The following AATF variants were observed in gnomAD, a reference collection of about 807,000 sequenced individuals.
AATF encodes the protein protein AATF.
A neutral mutation model predicts 63.7 loss-of-function variants in AATF; 48 were observed. The ratio of observed to expected loss-of-function variants is 0.75; its 90% CI spans 0.60 to 0.96. The LOEUF (loss-of-function observed/expected upper bound fraction) is 0.96. Ranked by LOEUF, AATF falls within the 40% of genes least tolerant of loss-of-function variation. The pLI is 0.00. For missense variants in AATF, 639 were observed against 685.7 expected (o/e 0.93, Z 0.76); for synonymous variants, 258 against 247.7 (o/e 1.04, Z -0.39).
chr17:37,028,012 T>C (rs1177827347), intron 10 of AATF, among the ~76,000 whole-genome samples: 1 of 152,188 alleles, frequency 6.6e-6, no homozygotes, highest in Non-Finnish European at 1.5e-5. Context: ...AATAAAAAGG[T>C]TATATAAATA....
intron 4 of AATF, among the ~76,000 whole-genome samples, chr17:36,966,316 G>A (rs1043951194): frequency 6.6e-6 from 1 of 151,960 alleles, no homozygotes; most frequent in African/African-American, 2.4e-5. Flanking sequence ...CCAGGCTGGA[G>A]TGTAGTGATG....
At position 37,014,292 on chromosome 17, in the gene AATF, T is replaced by TAATAATAATAA. The variant is rs547730359; in HGVS notation, c.1399-4712_1399-4702dup. 3.6e-3 allele frequency among the ~76,000 whole-genome samples: 542 copies of TAATAATAATAA among 150,542 alleles called. 9 individuals carry two copies. Among genetic ancestry groups the TAATAATAATAA allele is most frequent in the Admixed American group, 0.029 (439 of 15,066 alleles). The stretch of plus-strand genomic sequence containing the variant: ...GTAATAATAATAATAATAATAATAA[T>TAATAATAATAA]AATAATAATAAGGCTGTATATGGAA... On this transcript the variant is annotated intron_variant, in intron 8 of 11. Coordinates refer to ENST00000619387, the MANE Select transcript of AATF (RefSeq NM_012138.4).
At chr17:36,997,873 A>G (rs1049103225) in intron 8 of AATF, among the ~76,000 whole-genome samples, 1 of 152,240 alleles carries the variant, frequency 6.6e-6, no homozygotes, top group African/African-American at 2.4e-5. Context: ...GTATATCTAT[A>G]TGATGGAATA....
At chr17:36,992,419 T>C (rs2071222538) in intron 8 of AATF, among the ~76,000 whole-genome samples, 1 of 152,204 alleles carries the variant, frequency 6.6e-6, no homozygotes, top group African/African-American at 2.4e-5. Context: ...CTAGAGTGTC[T>C]AAGGAAGTAC....
intron 4 of AATF, among the ~76,000 whole-genome samples, chr17:36,967,861 CTT>C (rs372660652): frequency 0.019 from 2,376 of 123,242 alleles, 42 homozygotes; most frequent in African/African-American, 0.065. Context: ...CAGACCTTGC[CTT>C]TTTTTTTTTT....
At chr17:36,969,810 T>C (rs1286468249) in intron 4 of AATF, among the ~76,000 whole-genome samples, 2 of 152,236 alleles carry the variant, frequency 1.3e-5, no homozygotes, top group Admixed American at 6.5e-5. Context: ...CTTTCCCTCC[T>C]GGCCTTCCCT....
intron 4 of AATF, among the ~76,000 whole-genome samples, chr17:36,959,272 C>T (rs1000077055): frequency 1.3e-5 from 2 of 152,150 alleles, no homozygotes; most frequent in Admixed American, 6.5e-5. Context: ...AATGAAACAC[C>T]GTCTCTACAA....
intron 11 of AATF, among the ~76,000 whole-genome samples, chr17:37,034,224 T>C (rs1211115130): frequency 2.0e-5 from 3 of 152,250 alleles, no homozygotes; most frequent in Non-Finnish European, 4.4e-5. Flanking sequence ...GCTCAAGCTT[T>C]ATGGTTTGAA....
intron 8 of AATF, among the ~76,000 whole-genome samples, chr17:37,010,318 C>A (rs1033502242): frequency 1.3e-5 from 2 of 152,140 alleles, no homozygotes; most frequent in Non-Finnish European, 2.9e-5. Context: ...ATTAGCCGGG[C>A]GTGGTGGTGG....
intron 6 of AATF, 58 bp from the exon 7 acceptor site, chr17:36,989,189 T>C: frequency 1.3e-6 from 2 of 1,534,398 alleles, no homozygotes; most frequent in Admixed American, 1.9e-5. Context: ...GAAACCAATG[T>C]AGCTTGCCTT....
chr17:37,010,869 G>A (rs1472057404), intron 8 of AATF, among the ~76,000 whole-genome samples: 2 of 152,228 alleles, frequency 1.3e-5, no homozygotes, highest in East Asian at 3.8e-4. Context: ...GCAGCACAGA[G>A]GCGGAAGGTG....
At chr17:36,995,521 TATG>T (rs1470950585) in intron 8 of AATF, among the ~76,000 whole-genome samples, 2 of 152,168 alleles carry the variant, frequency 1.3e-5, no homozygotes, top group African/African-American at 2.4e-5. Context: ...TTAATGGTGA[TATG>T]ATATTTTTTA....
intron 11 of AATF, among the ~76,000 whole-genome samples, chr17:37,036,257 T>C (rs112360773): frequency 3.3e-5 from 5 of 152,346 alleles, no homozygotes; most frequent in African/African-American, 1.2e-4. Context: ...CACACGTGCC[T>C]AAATTGGATT....
At position 36,949,193 on chromosome 17, in the gene AATF, AC is replaced by A; in HGVS notation, c.71del (p.Pro24LeufsTer13). The part of the protein sequence containing the change: ...QLLNPRPSEA[D>X]PEADPEEATA... ...TTGAACCCGCGACCAAGCGAGGCGG[AC>A]CCTGAAGCGGACCCCGAGGAAGGTG... On this transcript the variant is annotated frameshift_variant, in exon 1 of 12. Transcript: ENST00000619387. LOFTEE classifies it high-confidence loss of function. The A allele has an allele frequency of 6.3e-7, 1 of 1,593,394 alleles. No homozygotes were observed. The highest frequency in any genetic ancestry group is 2.3e-5 in the East Asian group (1 of 44,086).
intron 11 of AATF, among the ~76,000 whole-genome samples, chr17:37,049,003 G>T (rs911062292): frequency 3.3e-5 from 5 of 152,124 alleles, no homozygotes; most frequent in African/African-American, 1.2e-4. Context: ...CATTTCTCAT[G>T]ATCATAGATG....
chr17:37,025,381 G>A (rs1235677092), intron 10 of AATF, among the ~76,000 whole-genome samples: 3 of 152,046 alleles, frequency 2.0e-5, no homozygotes, highest in Non-Finnish European at 2.9e-5. Context: ...ACCCAGGGAG[G>A]GTACGGTGTG....
chr17:37,043,016 C>CA (rs1387270772), intron 11 of AATF: 2 of 152,134 alleles, frequency 1.3e-5, no homozygotes, highest in Non-Finnish European at 2.9e-5. Context: ...GCTGGGATTA[C>CA]AGGTGTGAGC....
chr17:36,981,000 G>A (rs1163910052), intron 4 of AATF, among the ~76,000 whole-genome samples: 1 of 151,610 alleles, frequency 6.6e-6, no homozygotes, highest in Non-Finnish European at 1.5e-5. Flanking sequence ...TCCCTGAATG[G>A]AGCCTAAATA....
chr17:37,042,002 A>G (rs2071644354), intron 11 of AATF, among the ~76,000 whole-genome samples: 1 of 152,064 alleles, frequency 6.6e-6, no homozygotes, highest in Admixed American at 6.5e-5. Context: ...AGTTGTTTTT[A>G]TCCTTTGCCC....
Sources: allele counts gnomAD v4.1 joint callset (sites outside exome capture counted in the v4.1 genomes callset), GRCh38; gene constraint gnomAD v4.1.1; transcripts MANE v1.5; gene names NCBI Gene and HGNC (gene_info 2026-07-23, HGNC 2026-07-21).